LIN7A: variants seen among roughly 807,000 people sequenced by gnomAD.
LIN7A encodes the protein protein lin-7 homolog A.
In LIN7A, 25 loss-of-function variants were observed where a neutral mutation model predicts 29.8. The ratio of observed to expected loss-of-function variants is 0.84; its 90% CI spans 0.61 to 1.17. The LOEUF is 1.17. LIN7A is among the 50% of genes most tolerant of loss of function. The pLI is 0.00. For missense variants in LIN7A, 239 were observed against 287.0 expected (o/e 0.83, Z 1.21); for synonymous variants, 118 against 107.5 (o/e 1.10, Z -0.60).
At chr12:80,803,034 T>C (rs555383905) in intron 5 of LIN7A, among the ~76,000 whole-genome samples, 21 of 152,364 alleles carry the variant, frequency 1.4e-4, no homozygotes, top group African/African-American at 3.8e-4. Flanking sequence ...TTTTGGATAT[T>C]AGTCCTTTAT....
chr12:80,830,785 A>T (rs926977728), intron 4 of LIN7A, among the ~76,000 whole-genome samples: 4 of 152,014 alleles, frequency 2.6e-5, no homozygotes, highest in Non-Finnish European at 5.9e-5. Flanking sequence ...AACCTTAAAG[A>T]CTTGGTGTTG....
At chr12:80,819,205 A>G (rs76360125) in intron 4 of LIN7A, among the ~76,000 whole-genome samples, 2,670 of 152,284 alleles carry the variant, frequency 0.018, 61 homozygotes, top group African/African-American at 0.061. Context: ...TATAAATTAA[A>G]CCATCCTAAA....
At chr12:80,833,410 GC>G (rs1014852205) in intron 4 of LIN7A, among the ~76,000 whole-genome samples, 11 of 152,062 alleles carry the variant, frequency 7.2e-5, no homozygotes, top group Non-Finnish European at 1.6e-4. Context: ...TCTCCAAATT[GC>G]CCCTCTTCCA....
chr12:80,902,868 G>T (rs981145777), intron 1 of LIN7A, among the ~76,000 whole-genome samples: 2 of 151,702 alleles, frequency 1.3e-5, no homozygotes, highest in Non-Finnish European at 2.9e-5. Flanking sequence ...TCTTTTGCCT[G>T]TTGCTCTGGC....
At chr12:80,840,536 T>A (rs1005392927) in intron 4 of LIN7A, among the ~76,000 whole-genome samples, 1 of 152,196 alleles carries the variant, frequency 6.6e-6, no homozygotes, top group African/African-American at 2.4e-5. Context: ...CATGAGACTG[T>A]GTTTCTGAGG....
rs897944842 is a variant in LIN7A, at chr12:80,929,747, T to C, written c.82+7894A>G. Among the ~76,000 whole-genome samples, 18 of 152,246 alleles carry C rather than the reference T, an allele frequency of 1.2e-4. 1 individual carries two copies. Among genetic ancestry groups the C allele is most frequent in the East Asian group, 1.9e-4 (1 of 5,184 alleles). On this transcript the variant is annotated intron_variant, in intron 1 of 5. Coordinates refer to ENST00000552864, the MANE Select transcript of LIN7A (RefSeq NM_004664.4). ...TGTACACACACACACACATTTTATA[T>C]ATATTTTAAAATATATATATGGGCC...
chr12:80,886,332 A>C (rs1875324954), intron 2 of LIN7A, among the ~76,000 whole-genome samples: 2 of 151,986 alleles, frequency 1.3e-5, no homozygotes, highest in African/African-American at 4.8e-5. Flanking sequence ...CTTTACTGGC[A>C]TTTGGTTTCA....
intron 4 of LIN7A, among the ~76,000 whole-genome samples, chr12:80,823,557 T>G (rs899070715): frequency 1.3e-5 from 2 of 152,298 alleles, no homozygotes; most frequent in African/African-American, 4.8e-5. Flanking sequence ...CACACACTCC[T>G]CACCACTCTG....
chr12:80,813,867 T>C lies in LIN7A; in HGVS notation c.484-2184A>G, dbSNP rs148326891. Among the ~76,000 whole-genome samples the C allele has an allele frequency of 4.1e-3, 623 of 152,166 alleles. 4 individuals are homozygous for C. Among genetic ancestry groups the C allele is most frequent in the African/African-American group, 0.014 (561 of 41,512 alleles). Reference sequence around the variant, plus strand: ...TTTTTGCCTTGCTTCTTGGGTAAAGTACAGAGAAAAAAAATCACTGTGCAG... The same window carrying C: ...TTTTTGCCTTGCTTCTTGGGTAAAGCACAGAGAAAAAAAATCACTGTGCAG... On this transcript the variant is annotated intron_variant, in intron 4 of 5. Transcript: ENST00000552864.
intron 4 of LIN7A, among the ~76,000 whole-genome samples, chr12:80,841,396 GAA>G (rs1565897760): frequency 5.3e-5 from 8 of 149,712 alleles, no homozygotes; most frequent in African/African-American, 1.8e-4. Context: ...AGGAAGGAAG[GAA>G]GGAAGGAAGG....
intron 1 of LIN7A, among the ~76,000 whole-genome samples, chr12:80,889,907 C>A (rs747564550): frequency 2.6e-5 from 4 of 152,078 alleles, no homozygotes; most frequent in Non-Finnish European, 5.9e-5. Context: ...AATTAATGCA[C>A]TTTTTCCATT....
At chr12:80,847,276 C>T (rs781626899) in intron 3 of LIN7A, among the ~76,000 whole-genome samples, 1 of 152,138 alleles carries the variant, frequency 6.6e-6, no homozygotes, top group Non-Finnish European at 1.5e-5. Context: ...AATTAAACCA[C>T]GTAGGGATCA....
chr12:80,856,495 T>A (rs1873605858), intron 2 of LIN7A, among the ~76,000 whole-genome samples: 1 of 152,190 alleles, frequency 6.6e-6, no homozygotes, highest in Non-Finnish European at 1.5e-5. Context: ...CAGTGGTAAC[T>A]GTGCCATGTG....
At chr12:80,840,664 A>C (rs1001302122) in intron 4 of LIN7A, among the ~76,000 whole-genome samples, 12 of 152,356 alleles carry the variant, frequency 7.9e-5, no homozygotes, top group Admixed American at 7.8e-4. Flanking sequence ...TCTTATGAAT[A>C]GGGTACACAG....
At chr12:80,807,063 G>GGTTTTTTTTTGTTTTTTT in intron 5 of LIN7A, among the ~76,000 whole-genome samples, 1 of 53,592 alleles carries the variant, frequency 1.9e-5, no homozygotes, top group Middle Eastern at 8.1e-3. Flanking sequence ...TGAAGATGGA[G>GGTTTTTTTTTGTTTTTTT]TTTTTTTTTT....
In LIN7A at chr12:80,899,770, C is replaced by CTTTT. The variant is rs71309554; in HGVS notation, c.83-10405_83-10402dup. ...CCTCTAGGTTTTCTTTTTTTCTTTT[C>CTTTT]TTTTTTTTTTTTTTTTGAGATCGAG... is the stretch of plus-strand genomic sequence containing the variant. On this transcript the variant is annotated intron_variant, in intron 1 of 5. Coordinates refer to ENST00000552864, the MANE Select transcript of LIN7A (RefSeq NM_004664.4). Among the ~76,000 whole-genome samples the CTTTT allele has an allele frequency of 1.2e-4, 15 of 125,544 alleles. No homozygotes were observed. The East Asian group carries it at 1.7e-3, about 14-fold the overall frequency. 82.4% of individuals were successfully genotyped at this position (125,544 alleles called of 152,430 possible).
At chr12:80,915,612 G>A (rs150390955) in intron 1 of LIN7A, among the ~76,000 whole-genome samples, 55 of 152,268 alleles carry the variant, frequency 3.6e-4, no homozygotes, top group African/African-American at 1.2e-3. Context: ...GCAGACACAT[G>A]GAATCAACCT....
intron 1 of LIN7A, among the ~76,000 whole-genome samples, chr12:80,907,039 C>A (rs1382191258): frequency 1.5e-5 from 2 of 129,394 alleles, no homozygotes; most frequent in African/African-American, 2.7e-5. Flanking sequence ...ATAGAACATA[C>A]CTCAGAGTGC....
intron 2 of LIN7A, among the ~76,000 whole-genome samples, chr12:80,869,152 AT>A (rs1249638096): frequency 1.2e-5 from 1 of 82,110 alleles, no homozygotes; most frequent in Non-Finnish European, 2.2e-5. Flanking sequence ...ATAAATAAAT[AT>A]ATATATATAT....
Sources: allele counts gnomAD v4.1 joint callset (sites outside exome capture counted in the v4.1 genomes callset), GRCh38; gene constraint gnomAD v4.1.1; transcripts MANE v1.5; gene names NCBI Gene and HGNC (gene_info 2026-07-23, HGNC 2026-07-21).